Variants in CHID1 observed in about 807,000 individuals in gnomAD.
The protein encoded by CHID1 is chitinase domain-containing protein 1.
A neutral mutation model predicts 55.4 loss-of-function variants in CHID1; 44 were observed. The ratio of observed to expected loss-of-function variants is 0.79; its 90% CI spans 0.62 to 1.02. The LOEUF is 1.02. Among genes scored for constraint, CHID1 ranks in the 50% least tolerant of loss-of-function variants. CHID1 has a pLI of 0.00. For missense variants in CHID1, 491 were observed against 515.3 expected (o/e 0.95, Z 0.46); for synonymous variants, 216 against 212.9 (o/e 1.01, Z -0.13).
intron 7 of CHID1, among the ~76,000 whole-genome samples, chr11:898,365 A>G (rs2134292932): frequency 6.6e-6 from 1 of 152,068 alleles, no homozygotes; most frequent in East Asian, 1.9e-4. Flanking sequence ...GGGGCGGGGG[A>G]GCCGATTCCA....
intron 1 of CHID1, chr11:908,150 A>T (rs1203082119): frequency 6.6e-6 from 1 of 152,282 alleles, no homozygotes; most frequent in Non-Finnish European, 1.5e-5. Flanking sequence ...TCCCCCACCT[A>T]GGAGGCAGGG....
chr11:902,188 G>C lies in CHID1; in HGVS notation c.394+10C>G, dbSNP rs752964775. On this transcript the variant is annotated intron_variant, in intron 4 of 12. Coordinates refer to ENST00000323578, the MANE Select transcript of CHID1 (RefSeq NM_023947.4). The stretch of plus-strand genomic sequence containing the variant: ...TGGGGCAAGCACAGTCAAGCAGGAA[G>C]GATGAGAACCTTGGTCCACGTCGTG... 8.1e-6 allele frequency: 13 copies of C among 1,613,642 alleles called. No individual in the cohort carries two copies. Among genetic ancestry groups the C allele is most frequent in the Non-Finnish European group, 1.1e-5 (13 of 1,179,792 alleles).
At chr11:910,516 G>A in intron 1 of CHID1, 2 of 778,264 alleles carry the variant, frequency 2.6e-6, no homozygotes, top group Non-Finnish European at 3.2e-6. Flanking sequence ...CCCGACACGC[G>A]CCCCCGTCCA....
At chr11:873,221 G>GGCACAGCAGAGGGAGTCCAGGC (rs1849290710) in intron 10 of CHID1, among the ~76,000 whole-genome samples, 4 of 152,120 alleles carry the variant, frequency 2.6e-5, no homozygotes, top group African/African-American at 9.7e-5. Context: ...GGCAGCTGCA[G>GGCACAGCAGAGGGAGTCCAGGC]GCACAGCAGA....
intron 8 of CHID1, among the ~76,000 whole-genome samples, chr11:885,031 C>A: frequency 6.6e-6 from 1 of 152,236 alleles, no homozygotes; most frequent in South Asian, 2.1e-4. Flanking sequence ...AAGGTCAACA[C>A]CGAGGGGGCG....
Position 908,683 on chromosome 11 carries a change from C to T in CHID1, c.-44+2092G>A, listed in dbSNP as rs73407266. ...GGAAGGAAAGGAATGAAAAACCAAA[C>T]GGTGGTTCTCCAGGGGACTGGCCCA... On this transcript the variant is annotated intron_variant, in intron 1 of 12. Coordinates refer to ENST00000323578, the MANE Select transcript of CHID1 (RefSeq NM_023947.4). 4.2e-4 allele frequency: 373 copies of T among 896,808 alleles called. 2 individuals carry two copies. Among genetic ancestry groups the T allele is most frequent in the African/African-American group, 4.0e-3 (223 of 55,624 alleles). The allele number at this position is 896,808 out of a possible 1,614,324, so 55.6% of individuals were successfully genotyped here.
rs1283467375 is a variant in CHID1, at chr11:869,022, T to G, written c.*836A>C. 6.6e-6 allele frequency: 1 copy of G among 152,348 alleles called. No individual in the cohort carries two copies. The highest frequency in any genetic ancestry group is 1.5e-5 in the Non-Finnish European group (1 of 68,130). The allele number at this position is 152,348 out of a possible 1,614,324, so 9.4% of individuals were successfully genotyped here. ...AGGGCCACCAGGCCTTGGCTCATGA[T>G]GCCTCCAAATTCCCCAGGGCCTCCC... On this transcript the variant is annotated 3_prime_UTR_variant, in exon 13 of 13. Transcript: ENST00000323578.
At position 875,568 on chromosome 11, in the gene CHID1, A is replaced by G. The variant is rs913097017; in HGVS notation, c.960-5069T>C. On this transcript the variant is annotated intron_variant, in intron 10 of 12. Coordinates refer to ENST00000323578, the MANE Select transcript of CHID1 (RefSeq NM_023947.4). This position sits in a 1 kb window ranked among gnomAD's most constrained non-coding sequence, Gnocchi z 4.7. ...GAGAGCGCTGGGGTGTTAGGAGAAC[A>G]CGGTGAGCATGAGGCCGGGGATCGG... Among the ~76,000 whole-genome samples the G allele has an allele frequency of 6.6e-6, 1 of 152,140 alleles. No homozygotes were observed. The highest frequency in any genetic ancestry group is 2.4e-5 in the African/African-American group (1 of 41,434).
intron 12 of CHID1, 45 bp downstream of exon 12, chr11:870,076 C>T (rs568144760): frequency 6.2e-7 from 1 of 1,611,850 alleles, no homozygotes; most frequent in East Asian, 2.2e-5. Context: ...TGTGCTGTCG[C>T]ATGGCCCACC....
At position 904,790 on chromosome 11, in the gene CHID1, C is replaced by A. The variant is rs1197763557; in HGVS notation, c.27G>T (p.Trp9Cys). 1.2e-6 allele frequency: 2 copies of A among 1,613,880 alleles called. No homozygotes were observed. Among genetic ancestry groups the A allele is most frequent in the East Asian group, 2.2e-5 (1 of 44,898 alleles). Reference sequence around the variant, plus strand: ...GAACAGGGCTGCAGGCCAGGGCAAGCCAGAGGAGGTTGAAGAGTGTCCGCA... The same window carrying A: ...GAACAGGGCTGCAGGCCAGGGCAAGACAGAGGAGGTTGAAGAGTGTCCGCA... MRTLFNLL[W>C]LALACSPVHT... The change falls in exon 2 of 13, where the codon TGG becomes TGT. Residue 9 changes from tryptophan (W) to cysteine (C), a missense_variant. Coordinates refer to ENST00000323578, the MANE Select transcript of CHID1 (RefSeq NM_023947.4).
At chr11:899,147 C>T (rs781021513) in intron 7 of CHID1, among the ~76,000 whole-genome samples, 193 bp downstream of exon 7, 18 of 152,268 alleles carry the variant, frequency 1.2e-4, no homozygotes, top group Admixed American at 3.9e-4. Flanking sequence ...CTTTTCTGTT[C>T]GGAGCCGGCT....
intron 9 of CHID1, 117 bp from the exon 10 acceptor site, chr11:883,420 G>C: frequency 9.2e-7 from 1 of 1,085,900 alleles, no homozygotes. Context: ...CACCTCTAGA[G>C]AGTTGTAAAG....
At chr11:884,042 C>T (rs771249083) in intron 9 of CHID1, 26 bp downstream of exon 9, 3 of 1,579,856 alleles carry the variant, frequency 1.9e-6, no homozygotes, top group Non-Finnish European at 2.6e-6. Context: ...TTGCTGTGCC[C>T]AGGAGCCCCC....
intron 10 of CHID1, among the ~76,000 whole-genome samples, chr11:878,619 T>C (rs1374903246): frequency 1.3e-5 from 2 of 152,164 alleles, no homozygotes; most frequent in Non-Finnish European, 2.9e-5. Flanking sequence ...TATTCTGTTA[T>C]AAGCAACAGA....
At chr11:912,535 GTGTACC>G (rs1852754114), upstream of CHID1, among the ~76,000 whole-genome samples, 1 of 152,042 alleles carries the variant, frequency 6.6e-6, no homozygotes, top group Non-Finnish European at 1.5e-5. Flanking sequence ...AATGGGCCCC[GTGTACC>G]TGCATTGAAA....
At chr11:891,575 G>A (rs898544846) in intron 8 of CHID1, among the ~76,000 whole-genome samples, 1 of 152,188 alleles carries the variant, frequency 6.6e-6, no homozygotes, top group African/African-American at 2.4e-5. Flanking sequence ...CCCCACCGAT[G>A]GCTGCTTCTG....
chr11:899,957 G>C (rs747166070), intron 6 of CHID1, 47 bp downstream of exon 6: 34 of 1,458,360 alleles, frequency 2.3e-5, no homozygotes, highest in Non-Finnish European at 3.0e-5. Context: ...GGCCAGGTGG[G>C]ACCCGGGGGG....
chr11:899,215 G>A (rs1428995033), intron 7 of CHID1, 125 bp downstream of exon 7: 18 of 915,026 alleles, frequency 2.0e-5, no homozygotes, highest in East Asian at 5.3e-5. Context: ...GTGCAGCCCC[G>A]TCCCCACCCC....
intron 1 of CHID1, among the ~76,000 whole-genome samples, chr11:910,333 G>C (rs906887235): frequency 6.6e-6 from 1 of 152,094 alleles, no homozygotes; most frequent in African/African-American, 2.4e-5. Context: ...GCTCCCTCTG[G>C]GGGTCCTGGG....
Sources: gnomAD v4.1 joint callset for allele counts (sites outside exome capture counted in the v4.1 genomes callset) on GRCh38, gnomAD v4.1.1 for gene constraint, Gnocchi (gnomAD v3.1) non-coding constraint, MANE v1.5 for transcripts, NCBI Gene and HGNC (gene_info 2026-07-23, HGNC 2026-07-21) for gene names.